Variants in PHKB observed in about 807,000 individuals in gnomAD.
PHKB encodes phosphorylase b kinase regulatory subunit beta.
PHKB carries 122 observed loss-of-function variants against 152.1 expected under a neutral mutation model. The observed-to-expected ratio is 0.80, with a 90% CI of 0.69 to 0.93. The LOEUF (loss-of-function observed/expected upper bound fraction) is 0.93, where lower values mean the gene tolerates loss of function less well. Ranked by LOEUF, PHKB falls within the 40% of genes least tolerant of loss-of-function variation. The pLI is 0.00. For synonymous variants in PHKB, 436 were observed against 464.9 expected (o/e 0.94, Z 0.80); for missense variants, 1,304 against 1,328.4 (o/e 0.98, Z 0.29).
chr16:47,577,308 A>G (rs2151691065), intron 7 of PHKB, among the ~76,000 whole-genome samples: 1 of 152,270 alleles, frequency 6.6e-6, no homozygotes, highest in African/African-American at 2.4e-5. Flanking sequence ...TTCTGAATTT[A>G]TAATAGTTAT....
chr16:47,510,571 C>T (rs957861879), intron 4 of PHKB, among the ~76,000 whole-genome samples: 3 of 152,116 alleles, frequency 2.0e-5, no homozygotes, highest in Non-Finnish European at 4.4e-5. Flanking sequence ...TATATGATTT[C>T]ACAGGGAGAT....
chr16:47,616,711 G>A (rs1002412020), intron 14 of PHKB, among the ~76,000 whole-genome samples: 7 of 148,088 alleles, frequency 4.7e-5, no homozygotes, highest in African/African-American at 1.5e-4. Context: ...AGACCAGCTC[G>A]GCTGTGTAGA....
chr16:47,592,957 A>G (rs982893932), intron 10 of PHKB, among the ~76,000 whole-genome samples: 1 of 152,124 alleles, frequency 6.6e-6, no homozygotes, highest in Non-Finnish European at 1.5e-5. Context: ...TGTAATTGTT[A>G]GTGGCTGGCC....
intron 22 of PHKB, 49 bp from the exon 23 acceptor site, chr16:47,661,670 C>A: frequency 1.7e-6 from 2 of 1,207,598 alleles, no homozygotes; most frequent in South Asian, 1.2e-5. Context: ...TCTGTGGTAA[C>A]TGCTGTACCC....
At chr16:47,545,076 G>A (rs1334258463) in intron 6 of PHKB, among the ~76,000 whole-genome samples, 1 of 152,108 alleles carries the variant, frequency 6.6e-6, no homozygotes, top group East Asian at 1.9e-4. Flanking sequence ...TTTAATTGGG[G>A]CATTTAGCCC....
intron 6 of PHKB, among the ~76,000 whole-genome samples, chr16:47,532,326 C>T (rs569363212): frequency 1.3e-5 from 2 of 152,282 alleles, no homozygotes; most frequent in African/African-American, 2.4e-5. Flanking sequence ...ACCAGTTCAG[C>T]GTTTAGATGA....
chr16:47,561,153 G>T (rs897475003), intron 7 of PHKB, among the ~76,000 whole-genome samples: 1 of 152,292 alleles, frequency 6.6e-6, no homozygotes, highest in East Asian at 1.9e-4. Context: ...TGGGAAAATT[G>T]TTCTCAGTGG....
chr16:47,504,669 C>T (rs1229345686), intron 4 of PHKB, among the ~76,000 whole-genome samples: 8 of 152,162 alleles, frequency 5.3e-5, no homozygotes, highest in Non-Finnish European at 8.8e-5. Flanking sequence ...CCATGTGCCC[C>T]GTTTTTTTCC....
At chr16:47,597,151 G>T (rs1226983804) in intron 13 of PHKB, among the ~76,000 whole-genome samples, 1 of 152,016 alleles carries the variant, frequency 6.6e-6, no homozygotes, top group Non-Finnish European at 1.5e-5. Context: ...AATGTTGTTA[G>T]CATTTACATC....
intron 15 of PHKB, 53 bp downstream of exon 15, chr16:47,641,143 G>T: frequency 8.1e-7 from 1 of 1,237,110 alleles, no homozygotes; most frequent in Non-Finnish European, 1.2e-6. Flanking sequence ...GAGGGGAGGG[G>T]AAATGATTGC....
At chr16:47,547,633 A>G (rs1971197057) in intron 7 of PHKB, 85 bp downstream of exon 7, 12 of 794,494 alleles carry the variant, frequency 1.5e-5, no homozygotes, top group Non-Finnish European at 1.9e-5. Flanking sequence ...TTAGATTGGA[A>G]CTGTGATTCA....
chr16:47,568,490 A>G (rs1055137074), intron 7 of PHKB, among the ~76,000 whole-genome samples: 5 of 152,034 alleles, frequency 3.3e-5, no homozygotes, highest in Non-Finnish European at 1.5e-5. Flanking sequence ...CTGTTGTTTC[A>G]TTGATCTTTT....
At chr16:47,557,338 C>A (rs1484460466) in intron 7 of PHKB, among the ~76,000 whole-genome samples, 1 of 152,182 alleles carries the variant, frequency 6.6e-6, no homozygotes, top group South Asian at 2.1e-4. Flanking sequence ...GACTTCATGT[C>A]TAAAACACCA....
At chr16:47,625,332 T>C (rs1972690373) in intron 14 of PHKB, among the ~76,000 whole-genome samples, 1 of 152,264 alleles carries the variant, frequency 6.6e-6, no homozygotes, top group Admixed American at 6.5e-5. Context: ...TAGATTATAT[T>C]GAGTCTTTTC....
intron 7 of PHKB, among the ~76,000 whole-genome samples, chr16:47,556,877 C>T (rs969268611): frequency 3.9e-5 from 6 of 152,212 alleles, no homozygotes; most frequent in Middle Eastern, 3.4e-3. Flanking sequence ...AGGTAGAATT[C>T]GGCTGTGAAT....
At chr16:47,542,543 C>G (rs551076221) in intron 6 of PHKB, among the ~76,000 whole-genome samples, 1 of 152,136 alleles carries the variant, frequency 6.6e-6, no homozygotes, top group African/African-American at 2.4e-5. Flanking sequence ...GAAGAAAGTC[C>G]TTGGCAGCTT....
intron 13 of PHKB, among the ~76,000 whole-genome samples, chr16:47,602,914 A>C (rs1255503890): frequency 6.6e-6 from 1 of 152,186 alleles, no homozygotes; most frequent in East Asian, 1.9e-4. Context: ...CAAGAGTTAT[A>C]GGAAATACTT....
intron 7 of PHKB, among the ~76,000 whole-genome samples, chr16:47,557,767 C>A (rs1017444175): frequency 7.2e-5 from 11 of 152,132 alleles, no homozygotes; most frequent in Non-Finnish European, 1.5e-4. Flanking sequence ...GAAATAGGAA[C>A]ACTTTTACAC....
At chr16:47,642,865 G>C (rs1445130913) in intron 16 of PHKB, among the ~76,000 whole-genome samples, 5 of 152,044 alleles carry the variant, frequency 3.3e-5, no homozygotes, top group African/African-American at 1.2e-4. Flanking sequence ...TTAAACTCAC[G>C]CCCAGATGTA....
Sources: gnomAD v4.1 joint callset for allele counts (sites outside exome capture counted in the v4.1 genomes callset) on GRCh38, gnomAD v4.1.1 for gene constraint, MANE v1.5 for transcripts, NCBI Gene and HGNC (gene_info 2026-07-23, HGNC 2026-07-21) for gene names.